INPP4B: variants seen among roughly 807,000 people sequenced by gnomAD.
The protein encoded by INPP4B is inositol polyphosphate-4-phosphatase type II B.
Under a neutral mutation model 122.5 loss-of-function variants are expected in INPP4B, and 55 were observed. The observed-to-expected ratio is 0.45, with a 90% CI of 0.36 to 0.56. The LOEUF (loss-of-function observed/expected upper bound fraction) is 0.56, where lower values mean the gene tolerates loss of function less well. INPP4B is among the 20% of genes least tolerant of loss of function. The probability of loss-of-function intolerance (pLI) is 0.00; values close to 1 mark genes in which losing one functional copy is unlikely to be tolerated. For missense variants in INPP4B, 1,000 were observed against 1,097.7 expected (o/e 0.91, Z 1.26); for synonymous variants, 403 against 388.7 (o/e 1.04, Z -0.43).
intron 2 of INPP4B, among the ~76,000 whole-genome samples, chr4:142,547,078 C>G (rs7657917): frequency 0.12 from 17,922 of 150,774 alleles, 1,143 homozygotes; most frequent in African/African-American, 0.15. Context: ...TGCACATTTC[C>G]TACTGTATAG....
chr4:142,501,552 A>G (rs943768529), intron 2 of INPP4B, among the ~76,000 whole-genome samples: 5 of 146,526 alleles, frequency 3.4e-5, no homozygotes, highest in Non-Finnish European at 6.0e-5. Flanking sequence ...AGATGAAAAC[A>G]TGAGGAAAAA....
intron 5 of INPP4B, among the ~76,000 whole-genome samples, chr4:142,416,561 T>G (rs1805817724): frequency 6.6e-6 from 1 of 152,142 alleles, no homozygotes; most frequent in South Asian, 2.1e-4. Context: ...ATTAAATTAT[T>G]AAATTGAAGA....
chr4:142,257,577 C>A (rs1736985100), intron 11 of INPP4B, among the ~76,000 whole-genome samples: 1 of 151,876 alleles, frequency 6.6e-6, no homozygotes, highest in South Asian at 2.1e-4. Flanking sequence ...AAACAGAGAG[C>A]CAAATCATGA....
chr4:142,729,160 T>C (rs1765731113), intron 1 of INPP4B, among the ~76,000 whole-genome samples: 1 of 152,166 alleles, frequency 6.6e-6, no homozygotes, highest in Admixed American at 6.5e-5. Flanking sequence ...GAGAATCTAA[T>C]GCTGCAGCCG....
intron 9 of INPP4B, among the ~76,000 whole-genome samples, chr4:142,277,789 T>C (rs1443665820): frequency 1.3e-5 from 2 of 151,832 alleles, no homozygotes; most frequent in Non-Finnish European, 2.9e-5. Flanking sequence ...ACCATTATTC[T>C]AAGTGAAGTA....
chr4:142,261,429 T>C (rs1308464020), intron 10 of INPP4B, among the ~76,000 whole-genome samples: 1 of 152,144 alleles, frequency 6.6e-6, no homozygotes, highest in East Asian at 1.9e-4. Flanking sequence ...AAGAGGATAG[T>C]GAATTTTTAG....
chr4:142,452,423 A>G (rs1180420491), intron 3 of INPP4B, among the ~76,000 whole-genome samples: 1 of 152,208 alleles, frequency 6.6e-6, no homozygotes, highest in Non-Finnish European at 1.5e-5. Flanking sequence ...AAGCATCCTG[A>G]AGAATTACAA....
chr4:142,778,280 C>T (rs1240697879), intron 1 of INPP4B, among the ~76,000 whole-genome samples: 1 of 152,072 alleles, frequency 6.6e-6, no homozygotes, highest in Non-Finnish European at 1.5e-5. Context: ...AGCTATCAGC[C>T]TCAAGCACCC....
At chr4:142,822,566 T>C (rs1207297119) in intron 1 of INPP4B, among the ~76,000 whole-genome samples, 1 of 152,120 alleles carries the variant, frequency 6.6e-6, no homozygotes, top group Admixed American at 6.6e-5. Context: ...CTTATGAGAA[T>C]CTAATGCCTG....
intron 11 of INPP4B, among the ~76,000 whole-genome samples, chr4:142,256,443 C>A (rs898423779): frequency 6.6e-6 from 1 of 152,066 alleles, no homozygotes; most frequent in Admixed American, 6.6e-5. Context: ...ATCAACAAAA[C>A]TGATAGACCA....
At chr4:142,693,378 A>G (rs2150731481) in intron 2 of INPP4B, among the ~76,000 whole-genome samples, 1 of 151,932 alleles carries the variant, frequency 6.6e-6, no homozygotes, top group Admixed American at 6.6e-5. Flanking sequence ...AGTTCCTTAA[A>G]GGGCTCCACC....
chr4:142,380,590 T>C (rs1246093023), intron 7 of INPP4B, among the ~76,000 whole-genome samples: 1 of 152,188 alleles, frequency 6.6e-6, no homozygotes, highest in East Asian at 1.9e-4. Flanking sequence ...TTAAATGATA[T>C]TTATTTTATT....
At chr4:142,275,935 T>C (rs1266556723) in intron 9 of INPP4B, among the ~76,000 whole-genome samples, 1 of 151,824 alleles carries the variant, frequency 6.6e-6, no homozygotes, top group Non-Finnish European at 1.5e-5. Context: ...CCCTTTATTC[T>C]GATCTCATTT....
chr4:142,812,223 C>A (rs183275503), intron 1 of INPP4B, among the ~76,000 whole-genome samples: 1 of 152,258 alleles, frequency 6.6e-6, no homozygotes, highest in Admixed American at 6.5e-5. Context: ...CCAGCATGCA[C>A]CTGCCCACAC....
At chr4:142,673,048 T>G (rs73850529) in intron 2 of INPP4B, among the ~76,000 whole-genome samples, 48 of 152,284 alleles carry the variant, frequency 3.2e-4, no homozygotes, top group African/African-American at 1.1e-3. Context: ...ATCCTACTTC[T>G]GTGAGCCTAT....
chr4:142,660,388 A>C (rs1217590315), intron 2 of INPP4B, among the ~76,000 whole-genome samples: 1 of 152,106 alleles, frequency 6.6e-6, no homozygotes, highest in Admixed American at 6.5e-5. Flanking sequence ...ATTCATCTTC[A>C]GTCTGTACCC....
At chr4:142,253,647 G>T (rs941905066) in intron 11 of INPP4B, among the ~76,000 whole-genome samples, 1 of 152,196 alleles carries the variant, frequency 6.6e-6, no homozygotes, top group Admixed American at 6.5e-5. Context: ...CTTTTCCGAC[G>T]GGCTTAAAAA....
intron 7 of INPP4B, among the ~76,000 whole-genome samples, chr4:142,350,708 A>G (rs956630460): frequency 1.3e-5 from 2 of 152,070 alleles, no homozygotes; most frequent in Non-Finnish European, 2.9e-5. Context: ...GATTTAAAAG[A>G]GCAAAAATGT....
chr4:142,196,024 T>C (rs1838052808), intron 14 of INPP4B, among the ~76,000 whole-genome samples: 1 of 152,162 alleles, frequency 6.6e-6, no homozygotes, highest in African/African-American at 2.4e-5. Context: ...TAGACATCTA[T>C]GAAGAAACCG....
Sources: gnomAD v4.1 joint callset for allele counts (sites outside exome capture counted in the v4.1 genomes callset) on GRCh38, gnomAD v4.1.1 for gene constraint, MANE v1.5 for transcripts, NCBI Gene and HGNC (gene_info 2026-07-23, HGNC 2026-07-21) for gene names.